Variants in GRB10 observed in about 807,000 individuals in gnomAD.
GRB10 encodes the protein growth factor receptor bound protein 10, also known as growth factor receptor-bound protein 10.
Under a neutral mutation model 80.9 loss-of-function variants are expected in GRB10, and 20 were observed. The ratio of observed to expected loss-of-function variants is 0.25; its 90% CI spans 0.17 to 0.36. GRB10 has a LOEUF of 0.36. Ranked by LOEUF, GRB10 falls within the 10% of genes least tolerant of loss-of-function variation. The pLI, the probability that GRB10 is intolerant of heterozygous loss-of-function variation, is 1.00. For synonymous variants in GRB10, 291 were observed against 291.5 expected, an observed-to-expected ratio of 1.00 and a Z score of 0.02; for missense variants, 548 against 747.7, an observed-to-expected ratio of 0.73 and a Z score of 3.12.
At chr7:50,674,263 G>A (rs113990025) in intron 6 of GRB10, among the ~76,000 whole-genome samples, 173 bp downstream of exon 6, 4 of 152,270 alleles carry the variant, frequency 2.6e-5, no homozygotes, top group African/African-American at 9.6e-5. Context: ...ACCCAAGGGC[G>A]GCACACTGCA....
chr7:50,707,311 G>A (rs1159701095), intron 4 of GRB10, among the ~76,000 whole-genome samples: 1 of 152,128 alleles, frequency 6.6e-6, no homozygotes, highest in Non-Finnish European at 1.5e-5. Context: ...GGCCCACTTA[G>A]CACCCAAGCC....
chr7:50,733,167 G>C (rs1049360179), intron 3 of GRB10, among the ~76,000 whole-genome samples: 6 of 152,238 alleles, frequency 3.9e-5, no homozygotes, highest in Non-Finnish European at 5.9e-5. Flanking sequence ...GAGAATATTA[G>C]AACACAGACT....
chr7:50,648,691 T>TC (rs1255314926), intron 7 of GRB10, among the ~76,000 whole-genome samples: 1 of 152,126 alleles, frequency 6.6e-6, no homozygotes, highest in Non-Finnish European at 1.5e-5. Flanking sequence ...TTCCAGAGTT[T>TC]CCCTTCTTCA....
intron 4 of GRB10, among the ~76,000 whole-genome samples, chr7:50,704,261 A>T (rs950050664): frequency 6.6e-6 from 1 of 152,236 alleles, no homozygotes; most frequent in Non-Finnish European, 1.5e-5. Flanking sequence ...TGTAACAACT[A>T]CAGGTAATCA....
In GRB10 at chr7:50,782,130, T is replaced by G. The variant is rs2078349038; in HGVS notation, c.-327+294A>C. On this transcript the variant is annotated intron_variant, in intron 1 of 18. Transcript: ENST00000401949. The surrounding 1 kb of genome is among the most constrained non-coding windows in gnomAD (Gnocchi z 6.6). ...GTTCGCTCGAATCGTCGTCACGGGT[T>G]TCCGTGGGTACAGTTATTACTCGTT... 6.6e-6 allele frequency among the ~76,000 whole-genome samples: 1 copy of G among 152,200 alleles called. No homozygotes were observed.
chr7:50,791,478 G>T (rs550059237), intron 1 of GRB10, among the ~76,000 whole-genome samples: 20 of 152,182 alleles, frequency 1.3e-4, no homozygotes, highest in Non-Finnish European at 2.4e-4. Context: ...AGGTTCTAGT[G>T]ACAGCTTTGT....
At chr7:50,601,591 T>C (rs2047609122) in intron 17 of GRB10, among the ~76,000 whole-genome samples, 1 of 152,152 alleles carries the variant, frequency 6.6e-6, no homozygotes, top group Non-Finnish European at 1.5e-5. Flanking sequence ...ATTTTCAAGA[T>C]ATTACAGGTA....
At chr7:50,606,446 C>G in intron 13 of GRB10, 32 bp from the exon 14 acceptor site, 1 of 1,550,536 alleles carries the variant, frequency 6.4e-7, no homozygotes. Context: ...TAGTCACCGG[C>G]CCGGGAGCCC....
intron 5 of GRB10, among the ~76,000 whole-genome samples, chr7:50,699,494 A>G (rs956864516): frequency 1.3e-5 from 2 of 151,992 alleles, no homozygotes; most frequent in Non-Finnish European, 2.9e-5. Flanking sequence ...TGTATTAAAT[A>G]CTCTTCTGCC....
chr7:50,769,658 A>G (rs2076768482), intron 2 of GRB10, among the ~76,000 whole-genome samples: 1 of 152,126 alleles, frequency 6.6e-6, no homozygotes, highest in South Asian at 2.1e-4. Context: ...TGAGACTCAC[A>G]GGGCCTCTGA....
At chr7:50,689,947 G>A (rs2062597376) in intron 5 of GRB10, among the ~76,000 whole-genome samples, 1 of 151,080 alleles carries the variant, frequency 6.6e-6, no homozygotes, top group South Asian at 2.1e-4. Flanking sequence ...TACTTATCTG[G>A]AATGACTAGA....
chr7:50,776,718 CGCCT>C (rs2077691915), intron 2 of GRB10, among the ~76,000 whole-genome samples: 1 of 152,218 alleles, frequency 6.6e-6, no homozygotes, highest in South Asian at 2.1e-4. Flanking sequence ...AAGTTCTTTG[CGCCT>C]TTGTAGCAAG....
At chr7:50,735,756 T>C (rs1334905182) in intron 3 of GRB10, among the ~76,000 whole-genome samples, 1 of 152,186 alleles carries the variant, frequency 6.6e-6, no homozygotes, top group Non-Finnish European at 1.5e-5. Context: ...GCATTAAAGA[T>C]GCACTAATAC....
chr7:50,722,618 G>C (rs775376538), intron 4 of GRB10, among the ~76,000 whole-genome samples: 1 of 152,112 alleles, frequency 6.6e-6, no homozygotes, highest in Non-Finnish European at 1.5e-5. Context: ...CCAGTGATGC[G>C]AGCCAGGGTG....
chr7:50,736,043 T>C (rs2070739287), intron 3 of GRB10, among the ~76,000 whole-genome samples: 1 of 152,156 alleles, frequency 6.6e-6, no homozygotes, highest in Non-Finnish European at 1.5e-5. Context: ...ACCTAGCACT[T>C]TGGAGACCAA....
At chr7:50,632,698 G>A (rs185819188) in intron 7 of GRB10, among the ~76,000 whole-genome samples, 1 of 152,302 alleles carries the variant, frequency 6.6e-6, no homozygotes, top group Non-Finnish European at 1.5e-5. Flanking sequence ...AGGGCTGGAT[G>A]CTGGAGGGAG....
At chr7:50,642,756 TAC>T (rs147634325) in intron 7 of GRB10, among the ~76,000 whole-genome samples, 3 of 151,278 alleles carry the variant, frequency 2.0e-5, no homozygotes, top group Non-Finnish European at 3.0e-5. Context: ...ATTATACTCC[TAC>T]ACACACACAC....
intron 2 of GRB10, among the ~76,000 whole-genome samples, chr7:50,766,846 G>A (rs577873965): frequency 1.3e-5 from 2 of 152,296 alleles, no homozygotes; most frequent in African/African-American, 4.8e-5. Context: ...AGTAACTACT[G>A]TGTGTTCTAG....
chr7:50,690,006 A>G (rs1225509900), intron 5 of GRB10, among the ~76,000 whole-genome samples: 2 of 152,000 alleles, frequency 1.3e-5, no homozygotes, highest in African/African-American at 4.8e-5. Context: ...GAAAAAAAAA[A>G]AAAGAAAAGG....
Sources: gnomAD v4.1 joint callset for allele counts (sites outside exome capture counted in the v4.1 genomes callset) on GRCh38, gnomAD v4.1.1 for gene constraint, Gnocchi (gnomAD v3.1) non-coding constraint, MANE v1.5 for transcripts, NCBI Gene and HGNC (gene_info 2026-07-23, HGNC 2026-07-21) for gene names.